Variants in HDAC4 observed in about 807,000 individuals in gnomAD.
HDAC4 encodes the protein histone deacetylase A.
A neutral mutation model predicts 135.1 loss-of-function variants in HDAC4; 16 were observed. The ratio of observed to expected loss-of-function variants is 0.12; its 90% confidence interval spans 0.08 to 0.18. The LOEUF is 0.18. Among genes scored for constraint, HDAC4 ranks in the 10% least tolerant of loss-of-function variants. The pLI, the probability that HDAC4 is intolerant of heterozygous loss-of-function variation, is 1.00. For synonymous variants in HDAC4, 685 were observed against 653.4 expected (o/e 1.05, Z -0.74); for missense variants, 1,143 against 1,511.8 (o/e 0.76, Z 4.05).
In HDAC4 at chr2:239,139,756, T is replaced by C. The variant is rs953021678; in HGVS notation, c.906A>G (p.Ser302=). The part of the protein sequence containing the change: ...CSSAPGSGPS[S]PNNSSGSVSA... ...TGACGCTCCCGGAGCTGTTGTTGGG[T>C]GAGCTGGGTCCGGAGCCTGGGGCGC... Residue 302 remains serine, a synonymous_variant, in exon 9 of 27, where the codon TCA becomes TCG. Coordinates refer to ENST00000543185, the MANE Select transcript of HDAC4 (RefSeq NM_001378414.1). This position sits in a 1 kb window ranked among gnomAD's most constrained non-coding sequence, Gnocchi z 5.3. 11 of 1,613,950 alleles carry C rather than the reference T, an allele frequency of 6.8e-6. No homozygotes were observed. Among genetic ancestry groups the C allele is most frequent in the Non-Finnish European group, 7.6e-6 (9 of 1,179,994 alleles).
chr2:239,295,516 G>T (rs1229106689), intron 2 of HDAC4, among the ~76,000 whole-genome samples: 1 of 151,974 alleles, frequency 6.6e-6, no homozygotes, highest in Admixed American at 6.6e-5. Context: ...TCCTTCATAC[G>T]CCTTTGTCCT....
chr2:239,337,437 T>A (rs974558131), intron 2 of HDAC4, among the ~76,000 whole-genome samples: 20 of 152,166 alleles, frequency 1.3e-4, no homozygotes, highest in African/African-American at 4.8e-4. Flanking sequence ...GCAAGTCGGT[T>A]ATCGCTGCAA....
chr2:239,123,398 G>A (rs749428455), intron 12 of HDAC4, among the ~76,000 whole-genome samples: 8 of 152,206 alleles, frequency 5.3e-5, no homozygotes, highest in Non-Finnish European at 1.0e-4. Flanking sequence ...AGGGGCATGT[G>A]GGGTGGGGGT....
chr2:239,336,220 G>A (rs188200224), intron 2 of HDAC4, among the ~76,000 whole-genome samples: 4 of 152,286 alleles, frequency 2.6e-5, no homozygotes, highest in Non-Finnish European at 5.9e-5. Flanking sequence ...GAGAGTGAGG[G>A]TACAGTAACT....
At chr2:239,238,175 G>A (rs1249652416) in intron 2 of HDAC4, among the ~76,000 whole-genome samples, 1 of 151,912 alleles carries the variant, frequency 6.6e-6, no homozygotes, top group Non-Finnish European at 1.5e-5. Flanking sequence ...AGATAGTGGT[G>A]GAAAGTACTT....
At chr2:239,168,117 C>G (rs1439279071) in intron 5 of HDAC4, among the ~76,000 whole-genome samples, 1 of 152,228 alleles carries the variant, frequency 6.6e-6, no homozygotes, top group Non-Finnish European at 1.5e-5. Context: ...CACCCCCTTG[C>G]CTCTGAGGAA....
In HDAC4 at chr2:239,302,213, T is replaced by C. The variant is rs1187736238; in HGVS notation, c.22+50465A>G. Among the ~76,000 whole-genome samples, 3 of 152,172 alleles carry C rather than the reference T, an allele frequency of 2.0e-5. No homozygotes were observed. The East Asian group carries it at 5.8e-4, about 29-fold the overall frequency. On this transcript the variant is annotated intron_variant, in intron 2 of 26. Transcript: ENST00000543185. ...AGAACTCTGTCCTGATTGGAGAACA[T>C]GGCCCCTTGTGATGGACAGGCAGGC...
intron 3 of HDAC4, among the ~76,000 whole-genome samples, chr2:239,227,707 T>TA (rs2153149243): frequency 6.6e-6 from 1 of 152,224 alleles, no homozygotes; most frequent in East Asian, 1.9e-4. Flanking sequence ...CGGAGGAACA[T>TA]AGTCTCTGCC....
At position 239,255,670 on chromosome 2, in the gene HDAC4, T is replaced by A. The variant is rs569521860; in HGVS notation, c.23-19006A>T. Among the ~76,000 whole-genome samples the A allele has an allele frequency of 4.0e-4, 61 of 152,250 alleles. 1 individual carries two copies. The highest frequency in any genetic ancestry group is 4.1e-4 in the Non-Finnish European group (28 of 68,016). ...AAGGAGGAAGAGGAGGCCACTGAAA[T>A]ATGGTCTAGTGTGAGTAACTCTGCA... On this transcript the variant is annotated intron_variant, in intron 2 of 26. Transcript: ENST00000543185.
intron 25 of HDAC4, 34 bp downstream of exon 25, chr2:239,054,715 G>A (rs201136883): frequency 7.7e-5 from 105 of 1,360,746 alleles, no homozygotes; most frequent in East Asian, 5.0e-4. Context: ...CCCCAGGGGC[G>A]TGTCCCCTGT....
intron 11 of HDAC4, 114 bp from the exon 12 acceptor site, chr2:239,126,808 C>A: frequency 8.5e-7 from 1 of 1,178,046 alleles, no homozygotes. Context: ...CCAGCCCAGG[C>A]GTTCTGCCCT....
At chr2:239,346,437 A>C (rs62649966) in intron 2 of HDAC4, among the ~76,000 whole-genome samples, 38,360 of 150,534 alleles carry the variant, frequency 0.25, 5,565 homozygotes, top group Non-Finnish European at 0.34. Flanking sequence ...CCCTGTTTAA[A>C]ACACACATAC....
intron 2 of HDAC4, among the ~76,000 whole-genome samples, chr2:239,310,541 C>T (rs865793150): frequency 1.3e-5 from 2 of 152,210 alleles, no homozygotes; most frequent in African/African-American, 2.4e-5. Context: ...CATGAGACTG[C>T]GTAGGGCAGG....
chr2:239,372,376 C>T (rs1238942197), intron 1 of HDAC4, among the ~76,000 whole-genome samples: 2 of 152,246 alleles, frequency 1.3e-5, no homozygotes, highest in Non-Finnish European at 2.9e-5. Flanking sequence ...TTACAAAAGT[C>T]GTTGTTACCA....
rs375561504 is a variant in HDAC4 at position 239,299,058 on chromosome 2, C to A, written c.22+53620G>T. On this transcript the variant is annotated intron_variant, in intron 2 of 26. Transcript: ENST00000543185. The surrounding 1 kb of genome is among the most constrained non-coding windows in gnomAD (Gnocchi z 4.0). ...TAATTTTTTGTATTTTTAGTAGAGACGGGGTTTCATGTTAGCCAGGATGGT... is the reference window on the plus strand; with the variant it reads ...TAATTTTTTGTATTTTTAGTAGAGAAGGGGTTTCATGTTAGCCAGGATGGT... 1.3e-5 allele frequency among the ~76,000 whole-genome samples: 2 copies of A among 151,876 alleles called. No individual in the cohort carries two copies. The highest frequency in any genetic ancestry group is 2.9e-5 in the Non-Finnish European group (2 of 67,974).
At chr2:239,067,945 G>T (rs138637579) in intron 23 of HDAC4, among the ~76,000 whole-genome samples, 31 of 152,290 alleles carry the variant, frequency 2.0e-4, no homozygotes, top group African/African-American at 7.0e-4. Flanking sequence ...CTTTGTGTGC[G>T]CCAGGTTTTC....
intron 2 of HDAC4, among the ~76,000 whole-genome samples, chr2:239,319,760 TG>T (rs2053244718): frequency 1.3e-5 from 2 of 152,246 alleles, no homozygotes. Flanking sequence ...GGCAGAAACC[TG>T]GTTCTCAAAA....
rs138649458 is a variant in HDAC4, at chr2:239,385,520, C to T, written c.-220+15458G>A. Among the ~76,000 whole-genome samples the T allele has an allele frequency of 2.8e-3, 420 of 150,256 alleles. 6 individuals are homozygous for T. In the Middle Eastern group the frequency reaches 0.034, roughly 12 times the overall value. On this transcript the variant is annotated intron_variant, in intron 1 of 26. Coordinates refer to ENST00000543185, the MANE Select transcript of HDAC4 (RefSeq NM_001378414.1). ...ATGGAAATGAGTGGCCACAGGGGCCCCTGTTCCCTCTGAAGTCTCAGCCTC... is the reference window on the plus strand; with the variant it reads ...ATGGAAATGAGTGGCCACAGGGGCCTCTGTTCCCTCTGAAGTCTCAGCCTC...
chr2:239,094,695 C>G (rs2036837899), intron 17 of HDAC4: 4 of 1,231,946 alleles, frequency 3.2e-6, no homozygotes. Flanking sequence ...CTGATGTGAG[C>G]AGATTACTGC....
Sources: gnomAD v4.1 joint callset for allele counts (sites outside exome capture counted in the v4.1 genomes callset) on GRCh38, gnomAD v4.1.1 for gene constraint, Gnocchi (gnomAD v3.1) non-coding constraint, MANE v1.5 for transcripts, NCBI Gene and HGNC (gene_info 2026-07-23, HGNC 2026-07-21) for gene names.